The following RGS6 variants were observed in gnomAD, a reference collection of about 807,000 sequenced individuals.
RGS6 encodes regulator of G protein signaling 6, also known as regulator of G-protein signaling 6.
In RGS6, 30 loss-of-function variants were observed where a neutral mutation model predicts 78.5. That is an observed-to-expected ratio of 0.38 (90% CI 0.29 to 0.52). The LOEUF is 0.52. RGS6 is among the 20% of genes least tolerant of loss of function. The pLI is 0.85. For missense variants in RGS6, 495 were observed against 609.7 expected (o/e 0.81, Z 1.98); for synonymous variants, 206 against 206.0 (o/e 1.00, Z 0.00).
chr14:72,435,431 C>T (rs566563635), intron 3 of RGS6, among the ~76,000 whole-genome samples: 19 of 152,272 alleles, frequency 1.2e-4, no homozygotes, highest in African/African-American at 4.3e-4. Flanking sequence ...TACCAGCTTC[C>T]CTGATGGGTG....
chr14:72,078,386 G>A (rs900413504), intron 2 of RGS6, among the ~76,000 whole-genome samples: 1 of 151,688 alleles, frequency 6.6e-6, no homozygotes, highest in South Asian at 2.1e-4. Context: ...CCCAGTCTCA[G>A]GTATTTCTTT....
intron 3 of RGS6, among the ~76,000 whole-genome samples, chr14:72,417,478 G>A (rs933791841): frequency 1.1e-4 from 16 of 152,126 alleles, no homozygotes; most frequent in East Asian, 1.9e-4. Flanking sequence ...GATTTGGGCC[G>A]TCTTTTTTTT....
chr14:71,972,509 T>C (rs899749906), intron 2 of RGS6, among the ~76,000 whole-genome samples: 2 of 152,170 alleles, frequency 1.3e-5, no homozygotes, highest in Non-Finnish European at 2.9e-5. Context: ...AGACTCTGCG[T>C]TTCTTGATAA....
chr14:71,914,438 A>G, the RGS6 span, among the ~76,000 whole-genome samples: 1 of 152,144 alleles, frequency 6.6e-6, no homozygotes, highest in Non-Finnish European at 1.5e-5. Flanking sequence ...TCCTTTTCCT[A>G]GAGATTTTTC....
chr14:71,981,641 G>A (rs571539763), intron 2 of RGS6, among the ~76,000 whole-genome samples: 51 of 151,924 alleles, frequency 3.4e-4, no homozygotes, highest in African/African-American at 5.1e-4. Flanking sequence ...CAGTCTGCCC[G>A]TTCTCAGATC....
chr14:71,880,654 G>T, the RGS6 span, among the ~76,000 whole-genome samples: 1 of 152,230 alleles, frequency 6.6e-6, no homozygotes, highest in East Asian at 1.9e-4. Flanking sequence ...CAGAAGTCAA[G>T]AATTGAGGTT....
At chr14:72,315,810 G>A (rs2070001451) in intron 2 of RGS6, among the ~76,000 whole-genome samples, 1 of 152,194 alleles carries the variant, frequency 6.6e-6, no homozygotes, top group Non-Finnish European at 1.5e-5. Flanking sequence ...AGGAAGAAAG[G>A]AAGACCTTTC....
the RGS6 span, among the ~76,000 whole-genome samples, chr14:71,897,359 T>G: frequency 0.013 from 1,968 of 152,294 alleles, 38 homozygotes; most frequent in African/African-American, 0.045. Context: ...TCTGTAGTAT[T>G]GGGATTATAT....
rs2097700939 is a variant in RGS6, at chr14:72,564,517, C to T, written c.*2050C>T. ...TAAGTTCATTTGCCCCCAGCCTTGCCCAAGGATCCCCGGGCTGTGCTGACC... is the reference window on the plus strand; with the variant it reads ...TAAGTTCATTTGCCCCCAGCCTTGCTCAAGGATCCCCGGGCTGTGCTGACC... On this transcript the variant is annotated 3_prime_UTR_variant, in exon 18 of 18. Transcript: ENST00000553525. 6.6e-6 allele frequency: 1 copy of T among 152,250 alleles called. No individual in the cohort carries two copies. Among genetic ancestry groups the T allele is most frequent in the Non-Finnish European group, 1.5e-5 (1 of 68,108 alleles). 9.4% of individuals were successfully genotyped at this position (152,250 alleles called of 1,614,324 possible).
chr14:72,433,557 A>C (rs866588020), intron 3 of RGS6, among the ~76,000 whole-genome samples: 3 of 152,204 alleles, frequency 2.0e-5, no homozygotes, highest in Non-Finnish European at 4.4e-5. Context: ...TAACTAAAAA[A>C]GTCTTTTTAG....
At chr14:72,175,758 G>A (rs910185188) in intron 2 of RGS6, among the ~76,000 whole-genome samples, 3 of 152,200 alleles carry the variant, frequency 2.0e-5, no homozygotes, top group South Asian at 2.1e-4. Flanking sequence ...AGTGCCCAGC[G>A]GCTGGTACGT....
At chr14:72,195,961 T>G (rs1265989953) in intron 2 of RGS6, among the ~76,000 whole-genome samples, 1 of 152,218 alleles carries the variant, frequency 6.6e-6, no homozygotes, top group Non-Finnish European at 1.5e-5. Context: ...ATAAAGTTTT[T>G]CAGCAGGAGA....
At chr14:71,950,759 A>AAAG (rs1378643841) in intron 1 of RGS6, among the ~76,000 whole-genome samples, 3 of 152,206 alleles carry the variant, frequency 2.0e-5, no homozygotes, top group Non-Finnish European at 4.4e-5. Flanking sequence ...GGACTTGAAC[A>AAAG]GACACTTGTC....
intron 2 of RGS6, among the ~76,000 whole-genome samples, chr14:72,269,983 C>T (rs1012020257): frequency 2.6e-5 from 4 of 152,126 alleles, no homozygotes; most frequent in East Asian, 3.8e-4. Context: ...AGGAAGTTTA[C>T]GTTTTGAAGG....
intron 2 of RGS6, among the ~76,000 whole-genome samples, chr14:71,981,821 G>C (rs375132307): frequency 4.2e-5 from 5 of 120,388 alleles, no homozygotes; most frequent in Admixed American, 1.7e-4. Context: ...CACCCAGTTC[G>C]AGCTTCCCGG....
At chr14:72,088,790 A>G in intron 2 of RGS6, among the ~76,000 whole-genome samples, 1 of 152,020 alleles carries the variant, frequency 6.6e-6, no homozygotes, top group Non-Finnish European at 1.5e-5. Context: ...CCTCCTCATC[A>G]TGCCTTTCTG....
chr14:72,055,364 T>C (rs963731634), intron 2 of RGS6, among the ~76,000 whole-genome samples: 1 of 152,206 alleles, frequency 6.6e-6, no homozygotes, highest in Admixed American at 6.5e-5. Flanking sequence ...ACTTCTTAAG[T>C]ATTTTATCTA....
In RGS6 at chr14:72,451,873, C is replaced by A. The variant is rs150091169; in HGVS notation, c.185-2655C>A. Reference sequence around the variant, plus strand: ...GTTCAAGCAATTCCCCTGCCTGAGCCTCCCGAGTAGCTGGGACTCAGGCAT... The same window carrying A: ...GTTCAAGCAATTCCCCTGCCTGAGCATCCCGAGTAGCTGGGACTCAGGCAT... On this transcript the variant is annotated intron_variant, in intron 3 of 17. Coordinates refer to ENST00000553525, the MANE Select transcript of RGS6 (RefSeq NM_001204424.2). Among the ~76,000 whole-genome samples the A allele has an allele frequency of 5.5e-3, 840 of 152,260 alleles. 2 individuals are homozygous for A. Among genetic ancestry groups the A allele is most frequent in the Middle Eastern group, 0.014 (4 of 294 alleles).
chr14:72,117,165 T>C (rs754196672), intron 2 of RGS6, among the ~76,000 whole-genome samples: 9 of 151,968 alleles, frequency 5.9e-5, no homozygotes, highest in Non-Finnish European at 1.3e-4. Flanking sequence ...ATGTGGCATG[T>C]TGAAATAGCA....
Sources: allele counts gnomAD v4.1 joint callset (sites outside exome capture counted in the v4.1 genomes callset), GRCh38; gene constraint gnomAD v4.1.1; transcripts MANE v1.5; gene names NCBI Gene and HGNC (gene_info 2026-07-23, HGNC 2026-07-21).